Variants in KAT6A observed in about 807,000 individuals in gnomAD.
KAT6A encodes histone acetyltransferase KAT6A.
In KAT6A, 9 loss-of-function variants were observed where a neutral mutation model predicts 198.4. The ratio of observed to expected loss-of-function variants is 0.05; its 90% CI spans 0.03 to 0.08. KAT6A has a LOEUF of 0.08. Among genes scored for constraint, KAT6A ranks in the 10% least tolerant of loss-of-function variants. The pLI is 1.00. For missense variants in KAT6A, 2,077 were observed against 2,509.9 expected, an observed-to-expected ratio of 0.83 and a Z score of 3.69; for synonymous variants, 890 against 883.0, an observed-to-expected ratio of 1.01 and a Z score of -0.14.
chr8:42,029,337 C>T (rs1826993505), intron 2 of KAT6A, among the ~76,000 whole-genome samples: 1 of 152,078 alleles, frequency 6.6e-6, no homozygotes, highest in Admixed American at 6.6e-5. Flanking sequence ...GATTCGAAAA[C>T]TTTTCAGTTA....
chr8:42,044,337 GATCC>G (rs903594229), intron 2 of KAT6A, among the ~76,000 whole-genome samples: 2 of 151,886 alleles, frequency 1.3e-5, no homozygotes, highest in African/African-American at 4.8e-5. Context: ...GACCTCAGGT[GATCC>G]ACCCCCCCCT....
intron 2 of KAT6A, among the ~76,000 whole-genome samples, chr8:42,039,420 G>T (rs1041485807): frequency 2.0e-5 from 3 of 152,192 alleles, no homozygotes; most frequent in Non-Finnish European, 4.4e-5. Flanking sequence ...AACCAAGTCA[G>T]TATGACAAAG....
intron 12 of KAT6A, among the ~76,000 whole-genome samples, chr8:41,945,811 G>A (rs906064244): frequency 5.3e-5 from 8 of 151,940 alleles, no homozygotes; most frequent in Admixed American, 1.3e-4. Flanking sequence ...GGTGGATCAC[G>A]AGGTCAGGAG....
intron 7 of KAT6A, among the ~76,000 whole-genome samples, chr8:41,976,223 C>T (rs1266356615): frequency 6.6e-6 from 1 of 152,224 alleles, no homozygotes; most frequent in Admixed American, 6.5e-5. Flanking sequence ...TGAGACACTA[C>T]ACCTCTGGCC....
intron 9 of KAT6A, among the ~76,000 whole-genome samples, chr8:41,952,786 T>G (rs184781469): frequency 2.8e-4 from 42 of 152,302 alleles, no homozygotes; most frequent in Non-Finnish European, 5.0e-4. Context: ...CCAAACATTT[T>G]AGTCACCTCA....
At position 41,932,729 on chromosome 8, in the gene KAT6A, T is replaced by G; in HGVS notation, c.5491A>C (p.Asn1831His). 1.2e-6 allele frequency: 2 copies of G among 1,614,256 alleles called. No homozygotes were observed. The highest frequency in any genetic ancestry group is 2.2e-5 in the South Asian group (2 of 91,090). The change falls in exon 17 of 17, where the codon AAC becomes CAC. Residue 1831 changes from asparagine to histidine, a missense_variant. Physicochemically the swap from Asn to His is moderately conservative, Grantham distance 68. Coordinates refer to ENST00000265713, the MANE Select transcript of KAT6A (RefSeq NM_006766.5). ...ATGCCAATGTTGGTGGCAGACATGTTGCACTGAAGCAGAGGAGATGTGAGG... is the reference window on the plus strand; with the variant it reads ...ATGCCAATGTTGGTGGCAGACATGTGGCACTGAAGCAGAGGAGATGTGAGG... ...MNLTSPLLQC[N>H]MSATNIGIPH...
At chr8:42,046,517 C>A (rs933073392) in intron 2 of KAT6A, among the ~76,000 whole-genome samples, 10 of 152,136 alleles carry the variant, frequency 6.6e-5, no homozygotes, top group Non-Finnish European at 1.3e-4. Flanking sequence ...GGTGACAGAA[C>A]GAGATTCTGT....
chr8:41,987,625 C>T, intron 2 of KAT6A, 62 bp from the exon 3 acceptor site: 1 of 962,088 alleles, frequency 1.0e-6, no homozygotes, highest in South Asian at 1.4e-5. Flanking sequence ...ACTACAAAGA[C>T]ATCAAAATTA....
Position 41,937,449 on chromosome 8 carries a change from G to A in KAT6A, c.3159C>T (p.Asp1053=), listed in dbSNP as rs759875492. The stretch of plus-strand genomic sequence containing the variant: ...CTAATCTTGGCATTGGCCTCTCGGA[G>A]TCAGAATCTTCAAAAGGTTCATCTA... The part of the protein sequence containing the change: ...EVLDEPFEDS[D]SERPMPRLEP... Residue 1053 remains aspartate (D), a synonymous_variant, in exon 16 of 17, where the codon GAC becomes GAT. Transcript: ENST00000265713. The A allele has an allele frequency of 1.2e-6, 2 of 1,614,124 alleles. No individual in the cohort carries two copies. Among genetic ancestry groups the A allele is most frequent in the Non-Finnish European group, 1.7e-6 (2 of 1,180,012 alleles).
chr8:42,030,882 C>T (rs928906632), intron 2 of KAT6A, among the ~76,000 whole-genome samples: 3 of 151,822 alleles, frequency 2.0e-5, no homozygotes, highest in East Asian at 3.9e-4. Flanking sequence ...TCCGCCTCTC[C>T]GTTAAAATCT....
chr8:42,000,746 A>G (rs1366055103), intron 2 of KAT6A, among the ~76,000 whole-genome samples: 1 of 152,200 alleles, frequency 6.6e-6, no homozygotes, highest in South Asian at 2.1e-4. Context: ...TAACTGATAC[A>G]TATCTGATAG....
rs540436912 is a variant in KAT6A at position 42,002,023 on chromosome 8, C to T, written c.601-14460G>A. ...TAAAACGAGAGATAAGACTAAAATTCTCTCCTAATCTTTTGCTTCCTCCTC... is the reference window on the plus strand; with the variant it reads ...TAAAACGAGAGATAAGACTAAAATTTTCTCCTAATCTTTTGCTTCCTCCTC... On this transcript the variant is annotated intron_variant, in intron 2 of 16. Coordinates refer to ENST00000265713, the MANE Select transcript of KAT6A (RefSeq NM_006766.5). 3.1e-4 allele frequency among the ~76,000 whole-genome samples: 47 copies of T among 152,278 alleles called. No individual in the cohort carries two copies. In the East Asian group the frequency reaches 6.8e-3, roughly 22 times the overall value.
At chr8:41,940,692 C>A (rs1822065937) in intron 15 of KAT6A, 150 bp downstream of exon 15, 1 of 924,930 alleles carries the variant, frequency 1.1e-6, no homozygotes, top group African/African-American at 1.6e-5. Flanking sequence ...CTGGGAAGAT[C>A]TTGAGCTACA....
At chr8:41,984,028 T>C (rs1824486106) in intron 3 of KAT6A, among the ~76,000 whole-genome samples, 1 of 152,252 alleles carries the variant, frequency 6.6e-6, no homozygotes, top group Non-Finnish European at 1.5e-5. Flanking sequence ...AAAGCAGTTA[T>C]TTTCCCCCAA....
chr8:42,034,516 G>C (rs2150923758), intron 2 of KAT6A, among the ~76,000 whole-genome samples: 1 of 152,288 alleles, frequency 6.6e-6, no homozygotes, highest in Non-Finnish European at 1.5e-5. Flanking sequence ...ATTTTAAGCA[G>C]AGAAGTTTAA....
At chr8:42,001,219 T>C (rs1587808272) in intron 2 of KAT6A, among the ~76,000 whole-genome samples, 1 of 152,180 alleles carries the variant, frequency 6.6e-6, no homozygotes, top group East Asian at 1.9e-4. Context: ...ACTCCCTTTT[T>C]CCACTCCCAG....
chr8:41,985,009 A>T (rs960488222), intron 3 of KAT6A, among the ~76,000 whole-genome samples: 2 of 151,760 alleles, frequency 1.3e-5, no homozygotes, highest in Admixed American at 6.6e-5. Context: ...TTACCGCTAC[A>T]GTAATAGTTT....
chr8:41,938,573 T>C (rs577949702), intron 15 of KAT6A, among the ~76,000 whole-genome samples: 5 of 152,266 alleles, frequency 3.3e-5, no homozygotes, highest in Non-Finnish European at 7.4e-5. Flanking sequence ...CAAGATGAAC[T>C]TGAAGCATCT....
intron 7 of KAT6A, among the ~76,000 whole-genome samples, chr8:41,975,478 C>T (rs996121649): frequency 6.6e-6 from 1 of 152,130 alleles, no homozygotes; most frequent in Non-Finnish European, 1.5e-5. Flanking sequence ...GGCTCATTTG[C>T]TCTCTTTATA....
Sources: allele counts gnomAD v4.1 joint callset (sites outside exome capture counted in the v4.1 genomes callset), GRCh38; gene constraint gnomAD v4.1.1; transcripts MANE v1.5; gene names NCBI Gene and HGNC (gene_info 2026-07-23, HGNC 2026-07-21).